Variants in STK24 observed in about 807,000 individuals in gnomAD.
The protein encoded by STK24 is serine/threonine-protein kinase 24.
STK24 carries 21 observed loss-of-function variants against 55.6 expected under a neutral mutation model. The ratio of observed to expected loss-of-function variants is 0.38; its 90% CI spans 0.27 to 0.54. STK24 has a LOEUF of 0.54. Among genes scored for constraint, STK24 ranks in the 20% least tolerant of loss-of-function variants. The pLI is 0.79. For synonymous variants in STK24, 200 were observed against 215.2 expected (o/e 0.93, Z 0.62); for missense variants, 383 against 538.4 (o/e 0.71, Z 2.86).
intron 8 of STK24, among the ~76,000 whole-genome samples, chr13:98,461,565 A>G (rs1893704425): frequency 6.6e-6 from 1 of 152,196 alleles, no homozygotes; most frequent in Non-Finnish European, 1.5e-5. Context: ...GAGTGGCACA[A>G]AACAGACCAG....
In STK24 at chr13:98,446,097, G is replaced by C. The variant is rs779011277; in HGVS notation, c.*7076C>G. ...TTCTCACAGGCCTCCTTGCCTTTCA[G>C]AATCAGTTGTCTGGAAACCTGCTGA... On this transcript the variant is annotated 3_prime_UTR_variant, in exon 11 of 11. Coordinates refer to ENST00000539966, the MANE Select transcript of STK24 (RefSeq NM_001032296.4). 6.2e-6 allele frequency: 10 copies of C among 1,611,086 alleles called. No homozygotes were observed. Among genetic ancestry groups the C allele is most frequent in the South Asian group, 1.1e-5 (1 of 90,986 alleles).
chr13:98,470,643 G>A (rs1894108078), intron 5 of STK24, among the ~76,000 whole-genome samples: 1 of 152,130 alleles, frequency 6.6e-6, no homozygotes, highest in Non-Finnish European at 1.5e-5. Context: ...CTTCTCCTGG[G>A]GCATGCTCCT....
intron 1 of STK24, among the ~76,000 whole-genome samples, chr13:98,560,584 A>G (rs981080502): frequency 1.4e-4 from 21 of 152,226 alleles, no homozygotes; most frequent in African/African-American, 5.1e-4. Context: ...AAGACAATCA[A>G]AAACATAATT....
intron 1 of STK24, chr13:98,543,069 G>C (rs1193126248): frequency 1.7e-5 from 17 of 976,848 alleles, no homozygotes; most frequent in Non-Finnish European, 1.9e-5. Context: ...CAAAGGCCAA[G>C]GGAGGGGGGA....
At chr13:98,554,966 G>C (rs560999313) in intron 1 of STK24, among the ~76,000 whole-genome samples, 1 of 130,896 alleles carries the variant, frequency 7.6e-6, no homozygotes, top group Middle Eastern at 5.2e-3. Flanking sequence ...AGTGAGCTGA[G>C]ATAGTGCTAC....
chr13:98,475,148 T>A, intron 4 of STK24, 102 bp downstream of exon 4: 1 of 1,398,336 alleles, frequency 7.2e-7, no homozygotes, highest in Non-Finnish European at 9.7e-7. Flanking sequence ...AAGGCAAACG[T>A]GCAGGACAAA....
intron 1 of STK24, among the ~76,000 whole-genome samples, chr13:98,527,319 T>C (rs1044870599): frequency 6.6e-6 from 1 of 152,142 alleles, no homozygotes; most frequent in Non-Finnish European, 1.5e-5. Flanking sequence ...AAAAAAAGTC[T>C]GCCCTTCTCC....
intron 2 of STK24, among the ~76,000 whole-genome samples, chr13:98,498,803 G>A (rs1895339967): frequency 6.6e-6 from 1 of 152,212 alleles, no homozygotes; most frequent in African/African-American, 2.4e-5. Context: ...AGACACAGCA[G>A]GAGCCAGTGG....
chr13:98,557,591 C>T (rs898264998), intron 1 of STK24, among the ~76,000 whole-genome samples: 1 of 152,254 alleles, frequency 6.6e-6, no homozygotes, highest in African/African-American at 2.4e-5. Context: ...GGACCAGCCT[C>T]CTTCCTTTCC....
At chr13:98,562,917 T>TA (rs575288091) in intron 1 of STK24, among the ~76,000 whole-genome samples, 3,490 of 109,030 alleles carry the variant, frequency 0.032, 115 homozygotes, top group African/African-American at 0.069. Context: ...CTCCCTCTCT[T>TA]AAAAAAAAAA....
chr13:98,534,793 C>T (rs1896666931), intron 1 of STK24, among the ~76,000 whole-genome samples: 1 of 152,180 alleles, frequency 6.6e-6, no homozygotes, highest in African/African-American at 2.4e-5. Context: ...ATCAGCATTC[C>T]CCACTTCCTG....
At chr13:98,542,198 C>T (rs1428780520) in intron 1 of STK24, among the ~76,000 whole-genome samples, 1 of 152,106 alleles carries the variant, frequency 6.6e-6, no homozygotes, top group Non-Finnish European at 1.5e-5. Context: ...CACACTCCAC[C>T]GACCCTAGCG....
chr13:98,474,680 C>T (rs1566354827), intron 5 of STK24, 141 bp downstream of exon 5: 4 of 1,095,962 alleles, frequency 3.6e-6, no homozygotes, highest in Non-Finnish European at 5.2e-6. Context: ...CTGTTCATAA[C>T]CAAGGTTGAA....
Position 98,482,272 on chromosome 13 carries a change from A to G in STK24, c.323T>C (p.Leu108Pro). 1 of 1,570,218 alleles carries G rather than the reference A, an allele frequency of 6.4e-7. No individual in the cohort carries two copies. The change falls in exon 3 of 11, where the codon CTA becomes CCA. Residue 108 changes from leucine to proline, a missense_variant. By Grantham distance (98) the Leu-to-Pro change is moderately conservative. Coordinates refer to ENST00000539966, the MANE Select transcript of STK24 (RefSeq NM_001032296.4). Reference protein sequence around the residue: ...IMEYLGGGSALDLLEPGPLDE... With the variant: ...IMEYLGGGSAPDLLEPGPLDE... ...ATCCAACATAATACTTACTAGATCTAGTGCGGAGCCTCCACCAAGATATTC... is the reference window on the plus strand; with the variant it reads ...ATCCAACATAATACTTACTAGATCTGGTGCGGAGCCTCCACCAAGATATTC...
chr13:98,568,504 G>T (rs1432813546), intron 1 of STK24, among the ~76,000 whole-genome samples: 2 of 152,112 alleles, frequency 1.3e-5, no homozygotes, highest in African/African-American at 2.4e-5. Flanking sequence ...TGCAAAGGAA[G>T]GAAAAATTGA....
At chr13:98,574,847 CA>C (rs36092997) in intron 1 of STK24, among the ~76,000 whole-genome samples, 6 of 148,032 alleles carry the variant, frequency 4.1e-5, no homozygotes, top group South Asian at 2.1e-4. Flanking sequence ...CTGACCCACT[CA>C]AAAAAAAAAG....
At position 98,446,806 on chromosome 13, in the gene STK24, C is replaced by A; in HGVS notation, c.*6367G>T. 1 of 1,614,130 alleles carries A rather than the reference C, an allele frequency of 6.2e-7. No homozygotes were observed. The highest frequency in any genetic ancestry group is 8.5e-7 in the Non-Finnish European group (1 of 1,180,002). ...ACTACTTCAGGGCGGAAAGCGAGTA[C>A]ACGTTCGAAAGGTAGACACCCCCTT... On this transcript the variant is annotated 3_prime_UTR_variant, in exon 11 of 11. Coordinates refer to ENST00000539966, the MANE Select transcript of STK24 (RefSeq NM_001032296.4).
At chr13:98,538,589 G>A (rs892367090) in intron 1 of STK24, among the ~76,000 whole-genome samples, 2 of 152,196 alleles carry the variant, frequency 1.3e-5, no homozygotes, top group Non-Finnish European at 2.9e-5. Context: ...TCTGCTCCAA[G>A]GGGAGTTTGT....
At chr13:98,502,903 T>C (rs1895530054) in intron 2 of STK24, among the ~76,000 whole-genome samples, 1 of 152,028 alleles carries the variant, frequency 6.6e-6, no homozygotes, top group Admixed American at 6.6e-5. Flanking sequence ...AAATTCCATT[T>C]ACAATTTTAA....
Sources: allele counts gnomAD v4.1 joint callset (sites outside exome capture counted in the v4.1 genomes callset), GRCh38; gene constraint gnomAD v4.1.1; transcripts MANE v1.5; gene names NCBI Gene and HGNC (gene_info 2026-07-23, HGNC 2026-07-21).